Variants in CSGALNACT1 observed in about 807,000 individuals in gnomAD.
The protein encoded by CSGALNACT1 is beta4GalNAcT-1.
In CSGALNACT1, 52 loss-of-function variants were observed where a neutral mutation model predicts 51.0. The ratio of observed to expected loss-of-function variants is 1.02; its 90% CI spans 0.82 to 1.29. CSGALNACT1 has a LOEUF of 1.29. Among genes scored for constraint, CSGALNACT1 ranks in the 50% most tolerant of loss-of-function variants. The pLI, the probability that CSGALNACT1 is intolerant of heterozygous loss-of-function variation, is 0.00. For missense variants in CSGALNACT1, 935 were observed against 679.2 expected, an observed-to-expected ratio of 1.38 and a Z score of -4.19; for synonymous variants, 341 against 254.4, an observed-to-expected ratio of 1.34 and a Z score of -3.24.
At chr8:19,688,008 C>T (rs374506880) in intron 1 of CSGALNACT1, among the ~76,000 whole-genome samples, 4 of 152,240 alleles carry the variant, frequency 2.6e-5, no homozygotes, top group South Asian at 2.1e-4. Context: ...TACAATTTAC[C>T]GTTTAGAATC....
intron 3 of CSGALNACT1, among the ~76,000 whole-genome samples, chr8:19,571,371 TG>T (rs961281673): frequency 2.1e-4 from 32 of 150,908 alleles, no homozygotes; most frequent in Middle Eastern, 3.5e-3. Flanking sequence ...AATTCTAGAG[TG>T]GGGGGCACCT....
At chr8:19,501,026 G>A (rs1025623181) in intron 4 of CSGALNACT1, among the ~76,000 whole-genome samples, 4 of 152,056 alleles carry the variant, frequency 2.6e-5, no homozygotes, top group South Asian at 4.2e-4. Context: ...GAGATGGGCC[G>A]ATCACTTGAG....
chr8:19,407,824 A>G (rs558607744), intron 9 of CSGALNACT1, among the ~76,000 whole-genome samples: 117 of 151,850 alleles, frequency 7.7e-4, no homozygotes, highest in Admixed American at 1.4e-3. Flanking sequence ...GCATGTGGAC[A>G]TTTGTGTATA....
intron 3 of CSGALNACT1, among the ~76,000 whole-genome samples, chr8:19,536,357 A>G (rs1434822227): frequency 1.3e-5 from 2 of 152,178 alleles, no homozygotes; most frequent in Non-Finnish European, 2.9e-5. Flanking sequence ...AAAAAAACAA[A>G]TGCATCTCCA....
At chr8:19,460,259 CAGAGAGAG>C (rs376948743) in intron 4 of CSGALNACT1, among the ~76,000 whole-genome samples, 1 of 151,146 alleles carries the variant, frequency 6.6e-6, no homozygotes, top group Non-Finnish European at 1.5e-5. Context: ...CAGGGAGACA[CAGAGAGAG>C]AGAGAGAGAA....
rs556042289 is a variant in CSGALNACT1, at chr8:19,674,174, T to A, written c.-544+8299A>T. On this transcript the variant is annotated intron_variant, in intron 1 of 9. Transcript: ENST00000332246. ...CAGGTGTGGTGGCGGACAACTGTAG[T>A]GACAGCTACTCAGGAGGCTGAGGCA... 1.5e-4 allele frequency among the ~76,000 whole-genome samples: 23 copies of A among 152,278 alleles called. 2 individuals are homozygous for A. The highest frequency in any genetic ancestry group is 5.5e-4 in the African/African-American group (23 of 41,552).
At chr8:19,566,223 C>A (rs1189497205) in intron 3 of CSGALNACT1, among the ~76,000 whole-genome samples, 1 of 152,090 alleles carries the variant, frequency 6.6e-6, no homozygotes, top group Non-Finnish European at 1.5e-5. Flanking sequence ...AAGAGAGAGG[C>A]AGAGGGAGTT....
Position 19,409,863 on chromosome 8 carries a change from A to T in CSGALNACT1, c.1228-1169T>A, listed in dbSNP as rs142676728. Among the ~76,000 whole-genome samples the T allele has an allele frequency of 8.4e-3, 1,285 of 152,106 alleles. 8 individuals carry two copies. The highest frequency in any genetic ancestry group is 0.017 in the Middle Eastern group (5 of 294). ...GGCAGCCTCCTTCACTTCTTCATGC[A>T]TCTATTTTTTTTTCCTTATAAAACA... On this transcript the variant is annotated intron_variant, in intron 8 of 9. Transcript: ENST00000454498.
chr8:19,573,671 T>C (rs974151167), intron 3 of CSGALNACT1, among the ~76,000 whole-genome samples: 3 of 152,252 alleles, frequency 2.0e-5, no homozygotes, highest in East Asian at 1.9e-4. Flanking sequence ...CTCGAACTTC[T>C]GACCTCAAGT....
chr8:19,548,475 T>C (rs1255628222), intron 3 of CSGALNACT1, among the ~76,000 whole-genome samples: 1 of 152,228 alleles, frequency 6.6e-6, no homozygotes, highest in Admixed American at 6.5e-5. Flanking sequence ...AAAAATATTT[T>C]GTGAAATGCA....
intron 1 of CSGALNACT1, among the ~76,000 whole-genome samples, chr8:19,662,144 G>A (rs757127554): frequency 3.5e-5 from 5 of 142,854 alleles, no homozygotes; most frequent in Admixed American, 1.5e-4. Flanking sequence ...GGCTAGGTGC[G>A]GTGGGGCTCA....
At chr8:19,750,429 G>C (rs1445873214) in intron 1 of CSGALNACT1, among the ~76,000 whole-genome samples, 1 of 152,224 alleles carries the variant, frequency 6.6e-6, no homozygotes, top group Non-Finnish European at 1.5e-5. Context: ...CAGCGGGGAA[G>C]AGGGAAGGGA....
In CSGALNACT1 at chr8:19,757,403, C is replaced by T. The variant is rs2065470457; in HGVS notation, c.-297+447G>A. 1.3e-5 allele frequency: 2 copies of T among 152,250 alleles called. No homozygotes were observed. Among genetic ancestry groups the T allele is most frequent in the African/African-American group, 4.8e-5 (2 of 41,328 alleles). The allele number at this position is 152,250 out of a possible 1,614,324, so 9.4% of individuals were successfully genotyped here. A position where few individuals can be genotyped will look rare whatever the true frequency, so the allele number is the denominator to read the frequency against. ...CTGGCGCCCCGCCGCAGGGTAGGTC[C>T]GGCGGGGGCGGCCAAGGCCGGGCTG... On this transcript the variant is annotated intron_variant, in intron 1 of 1. Coordinates refer to the CSGALNACT1 transcript ENST00000517494. The surrounding 1 kb of genome is among the most constrained non-coding windows in gnomAD (Gnocchi z 4.0).
exon 4 of CSGALNACT1, chr8:19,505,679 C>T (rs371603397): frequency 6.8e-6 from 11 of 1,614,032 alleles, no homozygotes; most frequent in Middle Eastern, 1.6e-4. Flanking sequence ...CCTCCTTCCC[C>T]GTGGGGCTGT....
intron 1 of CSGALNACT1, among the ~76,000 whole-genome samples, chr8:19,632,045 T>C (rs1217565110): frequency 1.3e-5 from 2 of 152,262 alleles, no homozygotes; most frequent in Non-Finnish European, 1.5e-5. Flanking sequence ...TCTTACTATA[T>C]TTCAAAGCTA....
intron 4 of CSGALNACT1, among the ~76,000 whole-genome samples, chr8:19,474,160 G>A (rs982980126): frequency 8.6e-5 from 13 of 151,946 alleles, no homozygotes; most frequent in African/African-American, 3.1e-4. Flanking sequence ...CAGCTAAACA[G>A]GTGCTATAAC....
chr8:19,461,801 G>C lies in CSGALNACT1; in HGVS notation c.635-3159C>G, dbSNP rs78775580. On this transcript the variant is annotated intron_variant, in intron 4 of 9. Transcript: ENST00000454498. ...AGCAGCCACATTCACCATGGAGGGC[G>C]TATCCCCACAGCAGCCACATTAGCC... Among the ~76,000 whole-genome samples, 265 of 46,718 alleles carry C rather than the reference G, an allele frequency of 5.7e-3. 104 individuals are homozygous for C. The East Asian group carries it at 0.12, about 21-fold the overall frequency. 30.6% of individuals were successfully genotyped at this position (46,718 alleles called of 152,430 possible).
At chr8:19,508,969 ACT>A (rs2077908003) in intron 3 of CSGALNACT1, among the ~76,000 whole-genome samples, 1 of 152,102 alleles carries the variant, frequency 6.6e-6, no homozygotes, top group Non-Finnish European at 1.5e-5. Flanking sequence ...TTGGTATTCC[ACT>A]CTTTGGAGAA....
intron 3 of CSGALNACT1, among the ~76,000 whole-genome samples, chr8:19,579,981 C>T (rs951165131): frequency 2.6e-5 from 4 of 152,176 alleles, no homozygotes; most frequent in Admixed American, 6.5e-5. Context: ...TTGCTGTTTG[C>T]AGACTTTGGT....
Sources: allele counts gnomAD v4.1 joint callset (sites outside exome capture counted in the v4.1 genomes callset), GRCh38; gene constraint gnomAD v4.1.1; non-coding constraint Gnocchi (gnomAD v3.1); transcripts MANE v1.5; gene names NCBI Gene and HGNC (gene_info 2026-07-23, HGNC 2026-07-21).